The following PRPF6 variants were observed in gnomAD, a reference collection of about 807,000 sequenced individuals.
PRPF6 encodes the protein pre-mRNA-processing factor 6.
Under a neutral mutation model 118.3 loss-of-function variants are expected in PRPF6, and 42 were observed. The ratio of observed to expected loss-of-function variants is 0.35; its 90% CI spans 0.28 to 0.46. The LOEUF is 0.46. Ranked by LOEUF, PRPF6 falls within the 20% of genes least tolerant of loss-of-function variation. The pLI is 1.00. For missense variants in PRPF6, 662 were observed against 1,255.7 expected (o/e 0.53, Z 7.15); for synonymous variants, 481 against 485.1 (o/e 0.99, Z 0.11).
At chr20:64,014,832 T>C (rs1352975957) in intron 11 of PRPF6, among the ~76,000 whole-genome samples, 2 of 152,234 alleles carry the variant, frequency 1.3e-5, no homozygotes, top group African/African-American at 2.4e-5. Context: ...ATTTATTGAA[T>C]GCTACGATGA....
At chr20:64,023,250 A>G (rs764364575) in intron 13 of PRPF6, among the ~76,000 whole-genome samples, 1 of 152,084 alleles carries the variant, frequency 6.6e-6, no homozygotes, top group Non-Finnish European at 1.5e-5. Context: ...AGGCAGGCAT[A>G]TTTTCCATTT....
At position 64,029,396 on chromosome 20, in the gene PRPF6, C is replaced by T; in HGVS notation, c.2451C>T (p.Ala817=). Residue 817 remains alanine, a synonymous_variant, in exon 19 of 21, where the codon GCC becomes GCT. Coordinates refer to ENST00000266079, the MANE Select transcript of PRPF6 (RefSeq NM_012469.4). This position sits in a 1 kb window ranked among gnomAD's most constrained non-coding sequence, Gnocchi z 4.8. The stretch of plus-strand genomic sequence containing the variant: ...TTATAGGTATCCTGTGGTCTGAGGC[C>T]ATCTTCCTCGAGGCAAGGCCCCAGA... ...CPNSGILWSE[A]IFLEARPQRR... 2 of 1,614,136 alleles carry T rather than the reference C, an allele frequency of 1.2e-6. No individual in the cohort carries two copies. Among genetic ancestry groups the T allele is most frequent in the Non-Finnish European group, 1.7e-6 (2 of 1,180,000 alleles).
intron 13 of PRPF6, among the ~76,000 whole-genome samples, chr20:64,023,797 G>A (rs988215002): frequency 1.3e-5 from 2 of 152,172 alleles, no homozygotes; most frequent in Non-Finnish European, 2.9e-5. Context: ...CTCTCGGCCC[G>A]TGACCTGAAT....
At chr20:63,986,170 GTC>G (rs1373639206) in intron 3 of PRPF6, among the ~76,000 whole-genome samples, 1 of 151,894 alleles carries the variant, frequency 6.6e-6, no homozygotes, top group African/African-American at 2.4e-5. Context: ...GTGAAACCCA[GTC>G]TCTACTAAAA....
intron 1 of PRPF6, among the ~76,000 whole-genome samples, chr20:63,982,730 G>C (rs1045393117): frequency 2.0e-5 from 3 of 152,182 alleles, no homozygotes; most frequent in Non-Finnish European, 2.9e-5. Flanking sequence ...ACCCCCCAGA[G>C]CAGCTGTAAG....
At chr20:63,983,626 T>C (rs1233096865) in intron 2 of PRPF6, among the ~76,000 whole-genome samples, 1 of 151,390 alleles carries the variant, frequency 6.6e-6, no homozygotes, top group African/African-American at 2.4e-5. Flanking sequence ...TTAGGACCAC[T>C]GCCTTGGCAT....
intron 6 of PRPF6, among the ~76,000 whole-genome samples, chr20:63,995,724 T>C (rs1359660089): frequency 2.0e-5 from 3 of 151,860 alleles, no homozygotes; most frequent in Non-Finnish European, 4.4e-5. Context: ...TGGTGTGATC[T>C]TGGCTCACTG....
intron 12 of PRPF6, among the ~76,000 whole-genome samples, chr20:64,020,646 A>T (rs2059258425): frequency 6.6e-6 from 1 of 152,218 alleles, no homozygotes; most frequent in Admixed American, 6.5e-5. Flanking sequence ...GTATAGGGAA[A>T]AAAAAGCCTG....
At chr20:63,993,673 C>T (rs1219924248) in intron 4 of PRPF6, among the ~76,000 whole-genome samples, 188 bp downstream of exon 4, 1 of 149,154 alleles carries the variant, frequency 6.7e-6, no homozygotes, top group Non-Finnish European at 1.5e-5. Flanking sequence ...AACCCTTCCC[C>T]TACTGTAAAA....
In PRPF6 at chr20:63,981,354, G is replaced by A. The variant is rs767505905; in HGVS notation, c.71+38G>A. 5 of 1,543,566 alleles carry A rather than the reference G, an allele frequency of 3.2e-6. No individual in the cohort carries two copies. In the South Asian group the frequency reaches 5.9e-5, roughly 18 times the overall value. On this transcript the variant is annotated intron_variant, in intron 1 of 20. Transcript: ENST00000266079. ...GCGGCGCGCGAGGGGCGGGGACCCGGCTACAGGAGCGCAGTGCTTTGGGGC... is the reference window on the plus strand; with the variant it reads ...GCGGCGCGCGAGGGGCGGGGACCCGACTACAGGAGCGCAGTGCTTTGGGGC...
chr20:64,024,529 G>A (rs757070710), intron 13 of PRPF6, 26 bp from the exon 14 acceptor site: 1 of 1,613,104 alleles, frequency 6.2e-7, no homozygotes, highest in South Asian at 1.1e-5. Context: ...CCCTGCCTCT[G>A]GTGACCGTGG....
At chr20:64,006,728 C>G (rs2022415) in intron 9 of PRPF6, among the ~76,000 whole-genome samples, 7 of 152,064 alleles carry the variant, frequency 4.6e-5, no homozygotes, top group African/African-American at 1.2e-4. Context: ...ATTCAGACAT[C>G]ACTGTTTATT....
intron 4 of PRPF6, among the ~76,000 whole-genome samples, chr20:63,993,864 C>T (rs2123002399): frequency 6.6e-6 from 1 of 151,854 alleles, no homozygotes; most frequent in African/African-American, 2.4e-5. Flanking sequence ...ATTCTTGTGC[C>T]TCAGCCTCCT....
chr20:63,993,073 G>A (rs1422402801), intron 3 of PRPF6, among the ~76,000 whole-genome samples: 3 of 151,836 alleles, frequency 2.0e-5, no homozygotes, highest in African/African-American at 7.2e-5. Context: ...AAAATTAGCT[G>A]GGAGTGGTGG....
intron 9 of PRPF6, among the ~76,000 whole-genome samples, chr20:64,009,279 CAAAAAAAAAAA>C (rs59045216): frequency 2.6e-5 from 1 of 38,234 alleles, no homozygotes; most frequent in Non-Finnish European, 4.9e-5. Context: ...GACTCCATCG[CAAAAAAAAAAA>C]AAAAAAAAAA....
chr20:64,004,804 C>T (rs1355156770), intron 9 of PRPF6, among the ~76,000 whole-genome samples: 1 of 152,206 alleles, frequency 6.6e-6, no homozygotes, highest in Non-Finnish European at 1.5e-5. Context: ...AGCTCCCCTA[C>T]AATAATGCAC....
At chr20:63,983,924 A>T (rs1044736270) in intron 2 of PRPF6, among the ~76,000 whole-genome samples, 8 of 152,158 alleles carry the variant, frequency 5.3e-5, no homozygotes, top group African/African-American at 1.9e-4. Context: ...AAGTGTTGGG[A>T]TTACAGGCGT....
chr20:64,027,044 G>A lies in PRPF6; in HGVS notation c.2091G>A (p.Leu697=). The change falls in exon 16 of 21, where the codon CTG becomes CTA. Residue 697 remains leucine, a synonymous_variant. Transcript: ENST00000266079. The surrounding 1 kb of genome is among the most constrained non-coding windows in gnomAD (Gnocchi z 6.5). Reference sequence around the variant, plus strand: ...ACAACATCAGGGCAGCCCAAGATCTGTGCGAGGAGGCCCTGCGGCACTATG... The same window carrying A: ...ACAACATCAGGGCAGCCCAAGATCTATGCGAGGAGGCCCTGCGGCACTATG... The part of the protein sequence containing the change: ...VQDNIRAAQD[L]CEEALRHYED... 1 of 1,614,060 alleles carries A rather than the reference G, an allele frequency of 6.2e-7. No homozygotes were observed. Among genetic ancestry groups the A allele is most frequent in the Non-Finnish European group, 8.5e-7 (1 of 1,180,028 alleles).
intron 20 of PRPF6, 90 bp downstream of exon 20, chr20:64,032,134 G>A (rs1046228843): frequency 2.4e-5 from 38 of 1,592,740 alleles, no homozygotes; most frequent in South Asian, 4.4e-5. Flanking sequence ...AGGTGGCCAC[G>A]GCCAGCGTGA....
Sources: gnomAD v4.1 joint callset for allele counts (sites outside exome capture counted in the v4.1 genomes callset) on GRCh38, gnomAD v4.1.1 for gene constraint, Gnocchi (gnomAD v3.1) non-coding constraint, MANE v1.5 for transcripts, NCBI Gene and HGNC (gene_info 2026-07-23, HGNC 2026-07-21) for gene names.